FLT1: variants seen among roughly 807,000 people sequenced by gnomAD.
The protein encoded by FLT1 is fms related receptor tyrosine kinase 1.
A neutral mutation model predicts 156.3 loss-of-function variants in FLT1; 49 were observed. The observed-to-expected ratio is 0.31, with a 90% confidence interval of 0.25 to 0.40. The LOEUF is 0.40. Among genes scored for constraint, FLT1 ranks in the 10% least tolerant of loss-of-function variants. FLT1 has a pLI of 1.00. For synonymous variants in FLT1, 594 were observed against 583.8 expected (o/e 1.02, Z -0.25); for missense variants, 1,322 against 1,637.2 (o/e 0.81, Z 3.32).
At chr13:28,471,337 A>G (rs1271087192) in intron 1 of FLT1, among the ~76,000 whole-genome samples, 1 of 152,228 alleles carries the variant, frequency 6.6e-6, no homozygotes, top group African/African-American at 2.4e-5. Context: ...AGGTGTCAAG[A>G]TTATAGTTTA....
At chr13:28,438,457 C>G in intron 3 of FLT1, 112 bp from the exon 4 acceptor site, 1 of 810,398 alleles carries the variant, frequency 1.2e-6, no homozygotes, top group Non-Finnish European at 2.1e-6. Context: ...GTCATTCTCC[C>G]TTAATGTAAT....
intron 16 of FLT1, among the ~76,000 whole-genome samples, chr13:28,341,335 T>G (rs1435816183): frequency 6.6e-6 from 1 of 152,188 alleles, no homozygotes; most frequent in Non-Finnish European, 1.5e-5. Flanking sequence ...ACTAGGTGCT[T>G]GGCATGGAGT....
At chr13:28,310,754 T>C (rs1370272792) in intron 27 of FLT1, among the ~76,000 whole-genome samples, 1 of 152,208 alleles carries the variant, frequency 6.6e-6, no homozygotes, top group Non-Finnish European at 1.5e-5. Flanking sequence ...GCTTTGTTTG[T>C]TTAGTTTTAT....
At chr13:28,464,812 G>T (rs934370650) in intron 3 of FLT1, among the ~76,000 whole-genome samples, 13 of 152,166 alleles carry the variant, frequency 8.5e-5, no homozygotes, top group African/African-American at 3.1e-4. Flanking sequence ...AGGAGTTAAA[G>T]GTGAAAATAG....
At chr13:28,346,197 C>CCA in intron 15 of FLT1, 1 of 152,864 alleles carries the variant, frequency 6.5e-6, no homozygotes, top group Non-Finnish European at 1.5e-5. Context: ...AATTGCTGGA[C>CCA]CTGAATCCTT....
rs1566275350 is a variant in FLT1, at chr13:28,303,344, C to T, written c.3840G>A (p.Lys1280=). ...TGCTGACATCAGACAGCCCCGACTCCTTACTTTTACTGGTTACTCTCAAGC... is the reference window on the plus strand; with the variant it reads ...TGCTGACATCAGACAGCCCCGACTCTTTACTTTTACTGGTTACTCTCAAGC... ...KIDLRVTSKS[K]ESGLSDVSRP... The change falls in exon 30 of 30, where the codon AAG becomes AAA. Residue 1280 remains lysine, a synonymous_variant. Coordinates refer to ENST00000282397, the MANE Select transcript of FLT1 (RefSeq NM_002019.4). The T allele has an allele frequency of 1.9e-6, 3 of 1,614,014 alleles. No individual in the cohort carries two copies. The highest frequency in any genetic ancestry group is 1.7e-5 in the Admixed American group (1 of 60,020).
At chr13:28,478,234 C>A (rs972887119) in intron 1 of FLT1, among the ~76,000 whole-genome samples, 3 of 152,168 alleles carry the variant, frequency 2.0e-5, no homozygotes, top group Non-Finnish European at 4.4e-5. Context: ...TTTAAATAAA[C>A]AATTACCAGT....
At chr13:28,329,480 T>C (rs1871830121) in intron 19 of FLT1, 135 bp downstream of exon 19, 1 of 705,372 alleles carries the variant, frequency 1.4e-6, no homozygotes. Flanking sequence ...AAGCTGTTTC[T>C]TCTAGAGCTA....
At chr13:28,343,548 A>G (rs1371189716) in intron 16 of FLT1, among the ~76,000 whole-genome samples, 1 of 151,166 alleles carries the variant, frequency 6.6e-6, no homozygotes, top group African/African-American at 2.4e-5. Context: ...TGATCCATCC[A>G]CCCTGAGTGC....
chr13:28,319,359 A>G, intron 24 of FLT1, 64 bp downstream of exon 24: 1 of 1,096,086 alleles, frequency 9.1e-7, no homozygotes, highest in East Asian at 2.4e-5. Flanking sequence ...ACCAAAGGAC[A>G]TTCAGCAGAA....
chr13:28,465,679 C>T (rs766026943), intron 3 of FLT1, among the ~76,000 whole-genome samples: 7 of 152,106 alleles, frequency 4.6e-5, no homozygotes, highest in Non-Finnish European at 1.0e-4. Context: ...CCAGTCTCTA[C>T]TAAAAATACA....
At chr13:28,403,826 A>G (rs1875612584) in intron 11 of FLT1, among the ~76,000 whole-genome samples, 1 of 152,102 alleles carries the variant, frequency 6.6e-6, no homozygotes, top group Admixed American at 6.6e-5. Context: ...GGCGGATCAC[A>G]GGGTCAGGAG....
chr13:28,412,385 T>TTCTTTCTTTCC lies in FLT1; in HGVS notation c.1437-6492_1437-6491insGGAAAGAAAGA, dbSNP rs1876326892. ...CTTTCTTTCTTTCTTTCTTTCTTTC[T>TTCTTTCTTTCC]TTCTTTCTTTCTTTCTTTCTTTCTT... On this transcript the variant is annotated intron_variant, in intron 10 of 29. Transcript: ENST00000282397. 4.9e-4 allele frequency among the ~76,000 whole-genome samples: 42 copies of TTCTTTCTTTCC among 85,026 alleles called. 1 individual carries two copies. The highest frequency in any genetic ancestry group is 1.5e-3 in the African/African-American group (39 of 26,848). The allele number at this position is 85,026 out of a possible 152,430, so 55.8% of individuals were successfully genotyped here.
intron 14 of FLT1, among the ~76,000 whole-genome samples, chr13:28,373,805 T>A (rs766423970): frequency 2.6e-5 from 4 of 152,068 alleles, no homozygotes; most frequent in African/African-American, 4.8e-5. Flanking sequence ...CTCTGAGAGA[T>A]CTCTGGGATG....
chr13:28,321,087 G>A (rs1871439278), intron 23 of FLT1, among the ~76,000 whole-genome samples: 1 of 152,140 alleles, frequency 6.6e-6, no homozygotes, highest in African/African-American at 2.4e-5. Context: ...TCAATCATCT[G>A]GGTTTATTTG....
At chr13:28,428,183 C>CATACT (rs1358782942) in intron 8 of FLT1, among the ~76,000 whole-genome samples, 3 of 152,108 alleles carry the variant, frequency 2.0e-5, no homozygotes, top group African/African-American at 7.2e-5. Context: ...TGCCCACAGG[C>CATACT]ATACTGGTGG....
intron 6 of FLT1, among the ~76,000 whole-genome samples, chr13:28,432,267 T>A (rs1877738602): frequency 6.6e-6 from 1 of 151,784 alleles, no homozygotes; most frequent in South Asian, 2.1e-4. Context: ...TTCTCCTCTG[T>A]GCCACGTTTA....
intron 11 of FLT1, among the ~76,000 whole-genome samples, chr13:28,397,572 A>C (rs1875124643): frequency 6.6e-6 from 1 of 151,894 alleles, no homozygotes; most frequent in African/African-American, 2.4e-5. Context: ...TTTTTTTAAG[A>C]AATGGGGTCT....
intron 14 of FLT1, among the ~76,000 whole-genome samples, chr13:28,367,712 C>T (rs546140431): frequency 3.3e-5 from 5 of 152,222 alleles, no homozygotes; most frequent in Non-Finnish European, 7.3e-5. Flanking sequence ...TTCCCCCCCA[C>T]ACACAAAAGT....
Sources: allele counts gnomAD v4.1 joint callset (sites outside exome capture counted in the v4.1 genomes callset), GRCh38; gene constraint gnomAD v4.1.1; transcripts MANE v1.5; gene names NCBI Gene and HGNC (gene_info 2026-07-23, HGNC 2026-07-21).